The following CLEC10A variants were observed in gnomAD, a reference collection of about 807,000 sequenced individuals.
CLEC10A encodes C-type lectin domain containing 10A, also known as C-type lectin domain family 10 member A.
A neutral mutation model predicts 42.0 loss-of-function variants in CLEC10A; 38 were observed. The ratio of observed to expected loss-of-function variants is 0.90; its 90% CI spans 0.70 to 1.18. The LOEUF (loss-of-function observed/expected upper bound fraction) is 1.18, where lower values mean the gene tolerates loss of function less well. CLEC10A is among the 50% of genes most tolerant of loss of function. The pLI is 0.00. For missense variants in CLEC10A, 298 were observed against 345.9 expected, an observed-to-expected ratio of 0.86 and a Z score of 1.10; for synonymous variants, 126 against 139.9, an observed-to-expected ratio of 0.90 and a Z score of 0.70.
intron 2 of CLEC10A, chr17:7,078,379 G>A (rs1454322040): frequency 3.9e-6 from 2 of 508,514 alleles, no homozygotes; most frequent in African/African-American, 1.9e-5. Context: ...GGGGGCAGGG[G>A]CAGGAGGACA....
rs5028249 is a variant in CLEC10A, at chr17:7,077,713, G to A, written c.184+284C>T. Among the ~76,000 whole-genome samples, 255 of 26,800 alleles carry A rather than the reference G, an allele frequency of 9.5e-3. 3 individuals are homozygous for A. Among genetic ancestry groups the A allele is most frequent in the Admixed American group, 0.019 (46 of 2,374 alleles). The allele number at this position is 26,800 out of a possible 152,430, so 17.6% of individuals were successfully genotyped here. A position where few individuals can be genotyped will look rare whatever the true frequency, so the allele number is the denominator to read the frequency against. On this transcript the variant is annotated intron_variant, in intron 3 of 8. Transcript: ENST00000416562. ...ATCACTCCATCAGTGCCCCCCTACC[G>A]TTACCATCAATCACTCCATCAGTGC...
At position 7,074,974 on chromosome 17, in the gene CLEC10A, A is replaced by G. The variant is rs1332004523; in HGVS notation, c.*80T>C. ...CTCCCAGTGCTTATTTCTCTCCCAG[A>G]GCGGTCTTGCGAGGAGGTCGTGAGA... On this transcript the variant is annotated 3_prime_UTR_variant, in exon 9 of 9. Transcript: ENST00000416562. 4.3e-6 allele frequency: 5 copies of G among 1,172,926 alleles called. No individual in the cohort carries two copies. The highest frequency in any genetic ancestry group is 3.2e-5 in the African/African-American group (2 of 62,860). 72.7% of individuals were successfully genotyped at this position (1,172,926 alleles called of 1,614,324 possible). A position where few individuals can be genotyped will look rare whatever the true frequency, so the allele number is the denominator to read the frequency against.
intron 2 of CLEC10A, 73 bp from the exon 3 acceptor site, chr17:7,078,186 G>A: frequency 8.5e-7 from 1 of 1,170,396 alleles, no homozygotes; most frequent in Non-Finnish European, 1.3e-6. Flanking sequence ...GGCCCAGGGA[G>A]CTGTCTAGTG....
chr17:7,076,871 C>T (rs1911788176), intron 4 of CLEC10A, 21 bp downstream of exon 4: 28 of 1,613,266 alleles, frequency 1.7e-5, no homozygotes, highest in Non-Finnish European at 2.2e-5. Flanking sequence ...CAGCCCAGAG[C>T]CCCATCCAAA....
At chr17:7,078,709 A>T in intron 2 of CLEC10A, 37 bp downstream of exon 2, 5 of 1,586,516 alleles carry the variant, frequency 3.2e-6, no homozygotes, top group Non-Finnish European at 4.3e-6. Flanking sequence ...AAACATATAA[A>T]GAGGGCATTT....
intron 3 of CLEC10A, among the ~76,000 whole-genome samples, chr17:7,077,715 T>C (rs578182182): frequency 6.9e-6 from 1 of 144,848 alleles, no homozygotes; most frequent in African/African-American, 2.5e-5. Flanking sequence ...CCCCTACCGT[T>C]ACCATCAATC....
Position 7,075,776 on chromosome 17 carries a change from CT to C in CLEC10A, c.548del (p.Gln183ArgfsTer2). 6.2e-7 allele frequency: 1 copy of C among 1,614,228 alleles called. No individual in the cohort carries two copies. On this transcript the variant is annotated frameshift_variant, in exon 7 of 9. Transcript: ENST00000416562. LOFTEE classifies it high-confidence loss of function. ...MSWAEAEKYC[Q>X]LKNAHLVVIN... is the part of the protein sequence containing the mutation. ...TGACCACCAGGTGGGCGTTCTTCAG[CT>C]GGCAGTACTTCTCAGCCTCGGCCCA...
rs148814818 is a variant in CLEC10A at position 7,080,114 on chromosome 17, C to T, written c.-136G>A. The T allele has an allele frequency of 7.2e-3, 1,094 of 152,344 alleles. 2 individuals carry two copies. Among genetic ancestry groups the T allele is most frequent in the Non-Finnish European group, 0.011 (718 of 68,090 alleles). The allele number at this position is 152,344 out of a possible 1,614,324, so 9.4% of individuals were successfully genotyped here. On this transcript the variant is annotated 5_prime_UTR_variant, in exon 1 of 9. Transcript: ENST00000416562. ...TGTGCTGCAAGGACCAGAGGTGGGA[C>T]GTCACTCAGAGTTGGGAGCGCTGTG...
chr17:7,076,224 C>T, intron 5 of CLEC10A, 153 bp from the exon 6 acceptor site: 1 of 1,459,512 alleles, frequency 6.9e-7, no homozygotes, highest in East Asian at 2.4e-5. Flanking sequence ...CAGGTACAGC[C>T]ATCAAATCTG....
At chr17:7,075,937 G>C (rs943077516) in intron 6 of CLEC10A, 48 bp downstream of exon 6, 1 of 1,612,404 alleles carries the variant, frequency 6.2e-7, no homozygotes, top group Non-Finnish European at 8.5e-7. Context: ...CTGCCCAGTG[G>C]GCCATGGGCA....
intron 1 of CLEC10A, among the ~76,000 whole-genome samples, chr17:7,079,442 G>T (rs971614061): frequency 6.6e-6 from 1 of 152,024 alleles, no homozygotes; most frequent in Non-Finnish European, 1.5e-5. Flanking sequence ...AATTAGCTGG[G>T]TGTGGTGGTG....
Position 7,076,051 on chromosome 17 carries a change from G to T in CLEC10A, c.373C>A (p.Arg125=), listed in dbSNP as rs766007000. The change falls in exon 6 of 9, where the codon CGA becomes AGA. Residue 125 remains arginine (R), a synonymous_variant. Coordinates refer to ENST00000416562, the MANE Select transcript of CLEC10A (RefSeq NM_001330070.2). ...RQAVHSEMLL[R]VQQLVQDLKK... is the part of the protein sequence containing the mutation. ...AGGTCTTGCACCAGCTGCTGGACTC[G>T]CAGGAGCATTTCAGAATGAACTGGG... 2 of 1,614,194 alleles carry T rather than the reference G, an allele frequency of 1.2e-6. No individual in the cohort carries two copies. The highest frequency in any genetic ancestry group is 4.5e-5 in the East Asian group (2 of 44,880).
At position 7,076,036 on chromosome 17, in the gene CLEC10A, C is replaced by A. The variant is rs1169515587; in HGVS notation, c.388G>T (p.Val130Leu). 6 of 1,614,182 alleles carry A rather than the reference C, an allele frequency of 3.7e-6. No homozygotes were observed. Among genetic ancestry groups the A allele is most frequent in the Non-Finnish European group, 5.1e-6 (6 of 1,180,030 alleles). ...SEMLLRVQQL[V>L]QDLKKLTCQV... ...CAGGTCAGTTTCTTCAGGTCTTGCACCAGCTGCTGGACTCGCAGGAGCATT... is the reference window on the plus strand; with the variant it reads ...CAGGTCAGTTTCTTCAGGTCTTGCAACAGCTGCTGGACTCGCAGGAGCATT... Residue 130 changes from valine (V) to leucine (L), a missense_variant, in exon 6 of 9, where the codon GTG (valine) becomes TTG (leucine). By Grantham distance (32) the Val-to-Leu change is conservative. Coordinates refer to ENST00000416562, the MANE Select transcript of CLEC10A (RefSeq NM_001330070.2).
In CLEC10A at chr17:7,078,014, C is replaced by T. The variant is rs746202864; in HGVS notation, c.167G>A (p.Cys56Tyr). 6.2e-7 allele frequency: 1 copy of T among 1,613,320 alleles called. No individual in the cohort carries two copies. Residue 56 changes from cysteine to tyrosine, a missense_variant, in exon 3 of 9, where the codon TGT becomes TAT. By Grantham distance (194) the Cys-to-Tyr change is radical. This residue lies in a region of CLEC10A where 267 missense variants were observed against 289.5 expected (regional missense o/e 0.92). Coordinates refer to ENST00000416562, the MANE Select transcript of CLEC10A (RefSeq NM_001330070.2). Reference protein sequence around the residue: ...GLGLLLLVIICVVGFQNSKFQ... With the variant: ...GLGLLLLVIIYVVGFQNSKFQ... ...ACCCTCACTTTGGAATCCAACCACA[C>T]AGATGATGACCAGCAGCAGGAGGCC... is the stretch of plus-strand genomic sequence containing the variant.
Position 7,076,038 on chromosome 17 carries a change from A to G in CLEC10A, c.386T>C (p.Leu129Pro). Residue 129 changes from leucine to proline, a missense_variant, in exon 6 of 9, where the codon CTG becomes CCG. Leu to Pro is a moderately conservative substitution (Grantham distance 98). Coordinates refer to ENST00000416562, the MANE Select transcript of CLEC10A (RefSeq NM_001330070.2). The stretch of plus-strand genomic sequence containing the variant: ...GGTCAGTTTCTTCAGGTCTTGCACC[A>G]GCTGCTGGACTCGCAGGAGCATTTC... ...HSEMLLRVQQ[L>P]VQDLKKLTCQ... 4 of 1,614,204 alleles carry G rather than the reference A, an allele frequency of 2.5e-6. No homozygotes were observed. Among genetic ancestry groups the G allele is most frequent in the Non-Finnish European group, 3.4e-6 (4 of 1,180,042 alleles).
chr17:7,079,301 G>A (rs1038153837), intron 1 of CLEC10A, among the ~76,000 whole-genome samples: 1 of 152,154 alleles, frequency 6.6e-6, no homozygotes, highest in Non-Finnish European at 1.5e-5. Flanking sequence ...GGTGGGGGGC[G>A]ACAGGTGCGG....
intron 7 of CLEC10A, 132 bp downstream of exon 7, chr17:7,075,599 T>C: frequency 2.0e-6 from 3 of 1,463,450 alleles, no homozygotes; most frequent in Non-Finnish European, 2.9e-6. Flanking sequence ...TCAGGCCTAT[T>C]AAATCTCTGA....
At position 7,076,664 on chromosome 17, in the gene CLEC10A, G is replaced by C. The variant is rs541539198; in HGVS notation, c.352+69C>G. On this transcript the variant is annotated intron_variant, in intron 5 of 8. Transcript: ENST00000416562. ...GAAGGGGAGGGCAGTTCAGCACCAG[G>C]AGTCTGTTCCCACCTCCACTGTGTC... The C allele has an allele frequency of 2.2e-5, 33 of 1,534,380 alleles. No homozygotes were observed. The East Asian group carries it at 6.7e-4, about 31-fold the overall frequency.
intron 1 of CLEC10A, among the ~76,000 whole-genome samples, chr17:7,079,336 A>C (rs1300403303): frequency 1.5e-4 from 23 of 152,198 alleles, no homozygotes; most frequent in Non-Finnish European, 2.9e-5. Flanking sequence ...AAATCCCAGC[A>C]CTTTGGGAGA....
Sources: allele counts gnomAD v4.1 joint callset (sites outside exome capture counted in the v4.1 genomes callset), GRCh38; gene constraint gnomAD v4.1.1; regional missense constraint gnomAD v4.1.1; transcripts MANE v1.5; gene names NCBI Gene and HGNC (gene_info 2026-07-23, HGNC 2026-07-21).